LY75: variants seen among roughly 807,000 people sequenced by gnomAD.
LY75 encodes lymphocyte antigen 75, also known as C-type lectin domain family 13 member B.
In LY75, 185 loss-of-function variants were observed where a neutral mutation model predicts 231.7. The ratio of observed to expected loss-of-function variants is 0.80; its 90% CI spans 0.71 to 0.90. The LOEUF is 0.90. LY75 is among the 40% of genes least tolerant of loss of function. The pLI is 0.00. For missense variants in LY75, 1,947 were observed against 2,050.2 expected, an observed-to-expected ratio of 0.95 and a Z score of 0.97; for synonymous variants, 668 against 689.0, an observed-to-expected ratio of 0.97 and a Z score of 0.48.
chr2:159,852,411 T>A, intron 20 of LY75, 71 bp from the exon 21 acceptor site: 1 of 1,437,598 alleles, frequency 7.0e-7, no homozygotes, highest in South Asian at 1.3e-5. Flanking sequence ...TTGTTTTGTG[T>A]GTTTTTTTTT....
chr2:159,861,534 G>A (rs1410132529), intron 14 of LY75, among the ~76,000 whole-genome samples: 6 of 152,110 alleles, frequency 3.9e-5, no homozygotes, highest in Admixed American at 2.0e-4. Flanking sequence ...GATGGCTTGA[G>A]CCCAGGAATT....
intron 28 of LY75, among the ~76,000 whole-genome samples, chr2:159,829,030 T>C (rs1683567606): frequency 6.6e-6 from 1 of 152,178 alleles, no homozygotes; most frequent in South Asian, 2.1e-4. Context: ...TAGTGGGTAT[T>C]GTGTTTCTTT....
At chr2:159,840,014 A>AAAAAAAAAAAAAG (rs551332613) in intron 25 of LY75, among the ~76,000 whole-genome samples, 1 of 149,538 alleles carries the variant, frequency 6.7e-6, no homozygotes, top group Non-Finnish European at 1.5e-5. Context: ...TCAAAAAAAA[A>AAAAAAAAAAAAAG]AAAAAGAAAA....
At chr2:159,839,367 C>CAA (rs2125845987) in intron 25 of LY75, among the ~76,000 whole-genome samples, 1 of 152,156 alleles carries the variant, frequency 6.6e-6, no homozygotes, top group African/African-American at 2.4e-5. Flanking sequence ...TAATTATAGC[C>CAA]AAAACTTCAG....
chr2:159,881,273 G>C, intron 7 of LY75, 33 bp from the exon 8 acceptor site: 1 of 1,595,938 alleles, frequency 6.3e-7, no homozygotes, highest in Non-Finnish European at 8.5e-7. Context: ...GTTTGGTTTT[G>C]CTCAATTAAA....
intron 23 of LY75, among the ~76,000 whole-genome samples, chr2:159,849,252 T>C (rs1462900883): frequency 6.6e-6 from 1 of 152,202 alleles, no homozygotes; most frequent in African/African-American, 2.4e-5. Flanking sequence ...ACTTTTATGT[T>C]AATTTCTCAA....
At position 159,850,791 on chromosome 2, in the gene LY75, T is replaced by TATATATATAAAA. The variant is rs1341394980; in HGVS notation, c.2884-325_2884-324insTTTTATATATAT. ...AAACTTTCATATATATATATATATA[T>TATATATATAAAA]ATATATATTATATCTTATATATAAG... On this transcript the variant is annotated intron_variant, in intron 21 of 34. Transcript: ENST00000263636. 7.8e-4 allele frequency among the ~76,000 whole-genome samples: 74 copies of TATATATATAAAA among 94,434 alleles called. 7 individuals carry two copies. Among genetic ancestry groups the TATATATATAAAA allele is most frequent in the Non-Finnish European group, 1.1e-3 (50 of 43,762 alleles). 62.0% of individuals were successfully genotyped at this position (94,434 alleles called of 152,430 possible).
chr2:159,901,129 G>A (rs143280100), intron 1 of LY75, among the ~76,000 whole-genome samples: 39 of 152,224 alleles, frequency 2.6e-4, no homozygotes, highest in African/African-American at 6.7e-4. Flanking sequence ...ATGAGATACC[G>A]TGCCCAGCCA....
At chr2:159,842,970 T>C (rs1336842614) in intron 23 of LY75, among the ~76,000 whole-genome samples, 1 of 151,856 alleles carries the variant, frequency 6.6e-6, no homozygotes, top group Non-Finnish European at 1.5e-5. Flanking sequence ...AAAAAAATGC[T>C]ACTCAATAAA....
Position 159,872,318 on chromosome 2 carries a change from C to T in LY75, c.2117+133G>A. The T allele has an allele frequency of 2.6e-6, 3 of 1,173,078 alleles. 1 individual carries two copies. The highest frequency in any genetic ancestry group is 1.5e-5 in the African/African-American group (1 of 64,836). 72.7% of individuals were successfully genotyped at this position (1,173,078 alleles called of 1,614,324 possible). A position where few individuals can be genotyped will look rare whatever the true frequency, so the allele number is the denominator to read the frequency against. On this transcript the variant is annotated intron_variant, in intron 13 of 34. Coordinates refer to ENST00000263636, the MANE Select transcript of LY75 (RefSeq NM_002349.4). ...TGCTTAATGTTCCATGACTGCTAAGCACCAAATGACCTTTTAGATAATAAA... is the reference window on the plus strand; with the variant it reads ...TGCTTAATGTTCCATGACTGCTAAGTACCAAATGACCTTTTAGATAATAAA...
intron 1 of LY75, chr2:159,902,334 G>T (rs1686106360): frequency 6.6e-6 from 1 of 152,138 alleles, no homozygotes; most frequent in Admixed American, 6.5e-5. Flanking sequence ...ATTCTCCAGT[G>T]GTGTTTGAGA....
At chr2:159,822,874 G>A (rs115807276) in intron 28 of LY75, among the ~76,000 whole-genome samples, 24,542 of 152,062 alleles carry the variant, frequency 0.16, 2,287 homozygotes, top group East Asian at 0.32. Context: ...AGCAGCAGAG[G>A]GGCCTGTTAG....
At chr2:159,828,313 A>T (rs1406638019) in intron 28 of LY75, among the ~76,000 whole-genome samples, 1 of 151,658 alleles carries the variant, frequency 6.6e-6, no homozygotes, top group Admixed American at 6.6e-5. Flanking sequence ...CCCCTCGACA[A>T]TAAAAAGACT....
intron 28 of LY75, among the ~76,000 whole-genome samples, chr2:159,828,137 T>C (rs1240222285): frequency 6.6e-6 from 1 of 151,778 alleles, no homozygotes; most frequent in Non-Finnish European, 1.5e-5. Context: ...AAAAACACTT[T>C]TGTGGCATAA....
At chr2:159,891,710 G>GGTACAGTGGGGGTAAATAT (rs1560104278) in intron 3 of LY75, among the ~76,000 whole-genome samples, 2 of 152,166 alleles carry the variant, frequency 1.3e-5, no homozygotes, top group African/African-American at 2.4e-5. Context: ...AAGGCAGCAA[G>GGTACAGTGGGGGTAAATAT]GTACAGTGGG....
At chr2:159,857,308 GT>G (rs1308758367) in intron 16 of LY75, among the ~76,000 whole-genome samples, 1 of 152,156 alleles carries the variant, frequency 6.6e-6, no homozygotes, top group African/African-American at 2.4e-5. Context: ...GTTCCATGAT[GT>G]GAACTTTGGG....
chr2:159,816,707 T>A, intron 30 of LY75, 99 bp downstream of exon 30: 1 of 1,494,350 alleles, frequency 6.7e-7, no homozygotes. Context: ...TCCCAGTACT[T>A]CATCTAATGT....
chr2:159,860,815 A>C lies in LY75; in HGVS notation c.2268+6T>G. ...AAATATGCAGATTTTCCAGCATTGT[A>C]CTGACCTTGACAGCAGCACAGTCTC... is the stretch of plus-strand genomic sequence containing the variant. On this transcript the variant is annotated splice_donor_region_variant and intron_variant, in intron 15 of 34. Transcript: ENST00000263636. 1 of 1,613,864 alleles carries C rather than the reference A, an allele frequency of 6.2e-7. No individual in the cohort carries two copies. The highest frequency in any genetic ancestry group is 8.5e-7 in the Non-Finnish European group (1 of 1,179,830).
chr2:159,805,243 A>C (rs201414788), intron 34 of LY75, 21 bp from the exon 35 acceptor site: 197 of 1,595,688 alleles, frequency 1.2e-4, no homozygotes, highest in Non-Finnish European at 1.6e-4. Context: ...AAAAGGTTTG[A>C]TGTTGGAGGA....
Sources: allele counts gnomAD v4.1 joint callset (sites outside exome capture counted in the v4.1 genomes callset), GRCh38; gene constraint gnomAD v4.1.1; transcripts MANE v1.5; gene names NCBI Gene and HGNC (gene_info 2026-07-23, HGNC 2026-07-21).